The following VWF variants were observed in gnomAD, a reference collection of about 807,000 sequenced individuals.
The protein encoded by VWF is Factor VIII related antigen.
Under a neutral mutation model 308.6 loss-of-function variants are expected in VWF, and 176 were observed. The observed-to-expected ratio is 0.57, with a 90% CI of 0.50 to 0.65. The LOEUF is 0.65. Ranked by LOEUF, VWF falls within the 30% of genes least tolerant of loss-of-function variation. The probability of loss-of-function intolerance (pLI) is 0.00; values close to 1 mark genes in which losing one functional copy is unlikely to be tolerated. For missense variants in VWF, 3,146 were observed against 3,648.2 expected, an observed-to-expected ratio of 0.86 and a Z score of 3.55; for synonymous variants, 1,385 against 1,443.4, an observed-to-expected ratio of 0.96 and a Z score of 0.92.
chr12:6,052,515 G>A (rs373915456), intron 16 of VWF, 28 bp downstream of exon 16: 5 of 1,614,006 alleles, frequency 3.1e-6, no homozygotes, highest in Non-Finnish European at 4.2e-6. Context: ...CTGTTTTAGA[G>A]GTCCCTGACA....
chr12:6,103,395 T>C lies in VWF; in HGVS notation c.532+6979A>G, dbSNP rs571291242. Among the ~76,000 whole-genome samples the C allele has an allele frequency of 6.3e-4, 67 of 106,642 alleles. 5 individuals are homozygous for C. The highest frequency in any genetic ancestry group is 3.4e-3 in the Admixed American group (41 of 12,000). 70.0% of individuals were successfully genotyped at this position (106,642 alleles called of 152,430 possible). On this transcript the variant is annotated intron_variant, in intron 5 of 51. Transcript: ENST00000261405. ...GTGTGTGTGTATACACGTGTGTGTA[T>C]ACACGTGTGTGTATACACACGTGTG...
intron 34 of VWF, among the ~76,000 whole-genome samples, chr12:6,009,725 C>T (rs1378487595): frequency 2.0e-5 from 3 of 152,116 alleles, no homozygotes; most frequent in Admixed American, 1.3e-4. Flanking sequence ...TAGAAATAAT[C>T]CAAATGCACA....
At chr12:6,003,979 C>G (rs12146791) in intron 34 of VWF, among the ~76,000 whole-genome samples, 2 of 151,998 alleles carry the variant, frequency 1.3e-5, no homozygotes, top group African/African-American at 4.8e-5. Context: ...CCACGCCCGG[C>G]TAATTTTTTG....
Position 6,029,431 on chromosome 12 carries a change from G to C in VWF, c.2878C>G (p.Arg960Gly), listed in dbSNP as rs370984712. ...ETHFEVVESG[R>G]YIILLLGKAL... is the part of the protein sequence containing the mutation. ...TTGCCCAGCAGCAGAATGATGTACC[G>C]GCCAGACTCCACCACCTCAAAGTGA... is the stretch of plus-strand genomic sequence containing the variant. The change falls in exon 22 of 52, where the codon CGG becomes GGG. Residue 960 changes from arginine to glycine, a missense_variant. Coordinates refer to ENST00000261405, the MANE Select transcript of VWF (RefSeq NM_000552.5). 9 of 1,614,054 alleles carry C rather than the reference G, an allele frequency of 5.6e-6. No individual in the cohort carries two copies. The highest frequency in any genetic ancestry group is 7.6e-6 in the Non-Finnish European group (9 of 1,180,008).
intron 5 of VWF, among the ~76,000 whole-genome samples, chr12:6,098,046 ACTTTACAGGCTAGAT>A (rs1454105852): frequency 1.3e-5 from 2 of 152,186 alleles, no homozygotes; most frequent in Non-Finnish European, 2.9e-5. Flanking sequence ...ATGAAGTGAA[ACTTTACAGGCTAGAT>A]CTGAAACGAG....
At chr12:6,004,278 T>C (rs216808) in intron 34 of VWF, among the ~76,000 whole-genome samples, 87,337 of 151,722 alleles carry the variant, frequency 0.58, 25,551 homozygotes, top group East Asian at 0.74. Context: ...TTAGGAAATT[T>C]CTTCAAATAA....
intron 34 of VWF, 90 bp downstream of exon 34, chr12:6,011,527 C>G: frequency 8.7e-7 from 1 of 1,151,098 alleles, no homozygotes; most frequent in Non-Finnish European, 1.3e-6. Flanking sequence ...TACTTCTGGG[C>G]TGGTGGGTGC....
At chr12:6,071,445 G>A (rs1659106691) in intron 9 of VWF, 102 bp from the exon 10 acceptor site, 4 of 1,335,076 alleles carry the variant, frequency 3.0e-6, no homozygotes, top group Non-Finnish European at 4.3e-6. Context: ...CCAAACGAAG[G>A]GATGTGGGAA....
At chr12:6,017,002 G>A in intron 28 of VWF, 132 bp from the exon 29 acceptor site, 2 of 927,336 alleles carry the variant, frequency 2.2e-6, no homozygotes, top group Non-Finnish European at 1.8e-6. Flanking sequence ...GGCGGGGGGT[G>A]CCTTCGTGAG....
At chr12:6,065,463 A>T (rs1944703481) in intron 10 of VWF, among the ~76,000 whole-genome samples, 190 bp from the exon 11 acceptor site, 1 of 152,234 alleles carries the variant, frequency 6.6e-6, no homozygotes, top group Non-Finnish European at 1.5e-5. Context: ...AAGATGTCAG[A>T]GCTGGGTCAT....
intron 34 of VWF, among the ~76,000 whole-genome samples, chr12:6,003,557 G>T (rs1943895060): frequency 6.6e-6 from 1 of 151,624 alleles, no homozygotes; most frequent in African/African-American, 2.4e-5. Flanking sequence ...CAACATGGAT[G>T]AACCTTGAAG....
At chr12:5,968,235 G>C in intron 45 of VWF, 68 bp from the exon 46 acceptor site, 1 of 1,593,842 alleles carries the variant, frequency 6.3e-7, no homozygotes. Context: ...CGAGCAGGCT[G>C]CTCTCTTTGG....
chr12:5,985,440 C>T (rs938869621), intron 39 of VWF, 123 bp downstream of exon 39: 1 of 1,118,638 alleles, frequency 8.9e-7, no homozygotes, highest in Non-Finnish European at 1.3e-6. Flanking sequence ...GAAGCCCACC[C>T]ACTCTAGGAC....
chr12:6,073,497 C>T, intron 8 of VWF, 122 bp downstream of exon 8: 1 of 1,403,206 alleles, frequency 7.1e-7, no homozygotes, highest in Non-Finnish European at 1.0e-6. Flanking sequence ...CATTTAAAAA[C>T]TTAATAAAAG....
chr12:5,992,326 A>G (rs1173310330), intron 37 of VWF, among the ~76,000 whole-genome samples: 1 of 152,200 alleles, frequency 6.6e-6, no homozygotes, highest in Non-Finnish European at 1.5e-5. Context: ...ATTTTAAAAG[A>G]CAGCTATGCA....
chr12:5,996,124 C>A lies in VWF; in HGVS notation c.5941G>T (p.Glu1981Ter), dbSNP rs61750613. The change falls in exon 35 of 52, where the codon GAG becomes TAG. Residue 1981 changes from glutamate to a stop codon, truncating the protein, a stop_gained. Coordinates refer to ENST00000261405, the MANE Select transcript of VWF (RefSeq NM_000552.5). LOFTEE classifies it high-confidence loss of function. ...SCSYVLFQNK[E>*]QDLEVILHNG... ...TGGAGAATCACCTCCAGGTCCTGCT[C>A]CTTGTTTTGAAATAGGACATAAGAA... 2 of 1,614,142 alleles carry A rather than the reference C, an allele frequency of 1.2e-6. No individual in the cohort carries two copies. Among genetic ancestry groups the A allele is most frequent in the Non-Finnish European group, 1.7e-6 (2 of 1,180,026 alleles).
intron 18 of VWF, among the ~76,000 whole-genome samples, chr12:6,043,433 T>G (rs527620830): frequency 6.6e-6 from 1 of 152,164 alleles, no homozygotes; most frequent in Non-Finnish European, 1.5e-5. Flanking sequence ...CATTCTGGCC[T>G]CCACAGCCTC....
intron 22 of VWF, among the ~76,000 whole-genome samples, chr12:6,027,849 T>TACATACACAC (rs1555195645): frequency 7.6e-6 from 1 of 131,184 alleles, no homozygotes; most frequent in East Asian, 2.0e-4. Context: ...GGAAGACACA[T>TACATACACAC]ACACACACAC....
rs116243373 is a variant in VWF, at chr12:6,022,084, G to A, written c.3539-49C>T. ...GAACCAAAACGCTCCCCTTTCCCAC[G>A]AGGAAGCCTCATTTTTAACTAAAAG... On this transcript the variant is annotated intron_variant, in intron 26 of 51. Coordinates refer to ENST00000261405, the MANE Select transcript of VWF (RefSeq NM_000552.5). The A allele has an allele frequency of 0.012, 19,643 of 1,612,620 alleles. 1,884 individuals carry two copies. In the African/African-American group the frequency reaches 0.22, roughly 18 times the overall value.
Sources: allele counts gnomAD v4.1 joint callset (sites outside exome capture counted in the v4.1 genomes callset), GRCh38; gene constraint gnomAD v4.1.1; transcripts MANE v1.5; gene names NCBI Gene and HGNC (gene_info 2026-07-23, HGNC 2026-07-21).